Variants in ADGRB3 observed in about 807,000 individuals in gnomAD.
ADGRB3 encodes brain-specific angiogenesis inhibitor 3.
In ADGRB3, 37 loss-of-function variants were observed where a neutral mutation model predicts 193.4. The observed-to-expected ratio is 0.19, with a 90% confidence interval of 0.15 to 0.25. The LOEUF is 0.25. Ranked by LOEUF, ADGRB3 falls within the 10% of genes least tolerant of loss-of-function variation. The pLI is 1.00. For missense variants in ADGRB3, 1,637 were observed against 1,852.9 expected, an observed-to-expected ratio of 0.88 and a Z score of 2.14; for synonymous variants, 690 against 644.2, an observed-to-expected ratio of 1.07 and a Z score of -1.08.
chr6:69,138,611 G>A (rs943757578), intron 17 of ADGRB3, among the ~76,000 whole-genome samples: 2 of 152,112 alleles, frequency 1.3e-5, no homozygotes, highest in African/African-American at 4.8e-5. Flanking sequence ...GTTCTTTGGT[G>A]GTTAAAATGA....
chr6:69,057,080 A>G (rs556860017), intron 15 of ADGRB3, among the ~76,000 whole-genome samples: 4 of 152,108 alleles, frequency 2.6e-5, no homozygotes, highest in African/African-American at 9.6e-5. Flanking sequence ...CATTTTTTTC[A>G]GAAATGTTTT....
chr6:69,121,313 G>A (rs1582476367), intron 17 of ADGRB3, among the ~76,000 whole-genome samples: 2 of 152,124 alleles, frequency 1.3e-5, no homozygotes, highest in Non-Finnish European at 2.9e-5. Flanking sequence ...CAGAGAGCAC[G>A]GGGTTGGGGG....
chr6:69,129,650 C>T (rs1375296924), intron 17 of ADGRB3, among the ~76,000 whole-genome samples: 2 of 152,042 alleles, frequency 1.3e-5, no homozygotes, highest in African/African-American at 4.8e-5. Flanking sequence ...ATTATTGCTT[C>T]CCAGGTTACA....
chr6:69,056,610 T>C (rs1044778548), intron 15 of ADGRB3, among the ~76,000 whole-genome samples: 1 of 152,214 alleles, frequency 6.6e-6, no homozygotes, highest in Non-Finnish European at 1.5e-5. Flanking sequence ...TCTAGTCTTA[T>C]GTTTACATCT....
chr6:68,876,914 T>C (rs936991901), intron 3 of ADGRB3, among the ~76,000 whole-genome samples: 29 of 152,130 alleles, frequency 1.9e-4, no homozygotes, highest in African/African-American at 5.1e-4. Context: ...ATAAATATTT[T>C]GTACACACCC....
At chr6:69,113,330 G>A (rs1002550005) in intron 17 of ADGRB3, among the ~76,000 whole-genome samples, 1 of 150,290 alleles carries the variant, frequency 6.7e-6, no homozygotes, top group African/African-American at 2.4e-5. Flanking sequence ...ATATACATAT[G>A]TATCACACAT....
In ADGRB3 at chr6:69,078,980, T is replaced by C. The variant is rs544117907; in HGVS notation, c.2480+2942T>C. 2.9e-3 allele frequency among the ~76,000 whole-genome samples: 440 copies of C among 152,234 alleles called. 4 individuals carry two copies. Among genetic ancestry groups the C allele is most frequent in the Middle Eastern group, 0.024 (7 of 294 alleles). On this transcript the variant is annotated intron_variant, in intron 17 of 31. Transcript: ENST00000370598. The stretch of plus-strand genomic sequence containing the variant: ...GTAGGTACATTTTCTATCTAAGAAT[T>C]ATTCCCATCTCTATTTGATTTTATC...
At chr6:69,311,874 A>G (rs576462779) in intron 20 of ADGRB3, among the ~76,000 whole-genome samples, 66 of 151,912 alleles carry the variant, frequency 4.3e-4, no homozygotes, top group Non-Finnish European at 8.5e-4. Flanking sequence ...ACATGTTTTA[A>G]TATTTCCCAT....
At chr6:69,210,683 A>T (rs142007895) in intron 17 of ADGRB3, among the ~76,000 whole-genome samples, 1 of 152,270 alleles carries the variant, frequency 6.6e-6, no homozygotes, top group Non-Finnish European at 1.5e-5. Context: ...ACACCCAGCC[A>T]ATGACTTAAT....
chr6:69,105,677 A>G (rs1773186577), intron 17 of ADGRB3, among the ~76,000 whole-genome samples: 2 of 152,166 alleles, frequency 1.3e-5, no homozygotes, highest in African/African-American at 2.4e-5. Context: ...CCCAAAAATC[A>G]TATAATGCAG....
At chr6:69,097,738 C>A (rs1449743426) in intron 17 of ADGRB3, among the ~76,000 whole-genome samples, 8 of 151,730 alleles carry the variant, frequency 5.3e-5, no homozygotes, top group Non-Finnish European at 1.2e-4. Context: ...ATGGCTGCTG[C>A]AGACATTGGA....
intron 3 of ADGRB3, among the ~76,000 whole-genome samples, chr6:68,697,650 A>G (rs1172767731): frequency 6.6e-6 from 1 of 151,936 alleles, no homozygotes; most frequent in Non-Finnish European, 1.5e-5. Flanking sequence ...CTTTTAGTGA[A>G]ACAAACTGTA....
Position 68,936,607 on chromosome 6 carries a change from A to G in ADGRB3, c.957A>G (p.Val319=). The G allele has an allele frequency of 6.2e-7, 1 of 1,614,026 alleles. No homozygotes were observed. The change falls in exon 5 of 32, where the codon GTA becomes GTG. Residue 319 remains valine (V), a synonymous_variant. Coordinates refer to ENST00000370598, the MANE Select transcript of ADGRB3 (RefSeq NM_001704.3). ...QGSQVRTRTC[V]SPYGTHCSGP... ...CGCAGGTGCGAACCAGAACTTGTGTATCACCTTACGGGACACACTGCAGCG... is the reference window on the plus strand; with the variant it reads ...CGCAGGTGCGAACCAGAACTTGTGTGTCACCTTACGGGACACACTGCAGCG...
intron 26 of ADGRB3, among the ~76,000 whole-genome samples, chr6:69,342,201 A>T (rs971809846): frequency 6.6e-6 from 1 of 152,152 alleles, no homozygotes; most frequent in Non-Finnish European, 1.5e-5. Context: ...TGTTTTCTGT[A>T]CTAATGGAAA....
chr6:69,137,883 C>T (rs955289638), intron 17 of ADGRB3, among the ~76,000 whole-genome samples: 7 of 152,178 alleles, frequency 4.6e-5, no homozygotes, highest in Admixed American at 1.3e-4. Context: ...GTTAACAGAA[C>T]AAATAGGTGA....
At chr6:68,937,269 A>G (rs1319048309) in intron 5 of ADGRB3, among the ~76,000 whole-genome samples, 1 of 152,224 alleles carries the variant, frequency 6.6e-6, no homozygotes, top group Non-Finnish European at 1.5e-5. Context: ...TAAATGAAGC[A>G]TAACAATAGC....
chr6:69,076,372 G>A (rs1170739300), intron 17 of ADGRB3, among the ~76,000 whole-genome samples: 1 of 152,010 alleles, frequency 6.6e-6, no homozygotes, highest in African/African-American at 2.4e-5. Flanking sequence ...ATTCAGCTTA[G>A]CATTGCAGAA....
chr6:68,979,967 T>G (rs1768860815), intron 10 of ADGRB3, among the ~76,000 whole-genome samples: 1 of 151,384 alleles, frequency 6.6e-6, no homozygotes, highest in African/African-American at 2.4e-5. Flanking sequence ...TAGACAAATC[T>G]AAAGCAAAGG....
At chr6:68,747,698 T>G (rs139796189) in intron 3 of ADGRB3, among the ~76,000 whole-genome samples, 136 of 152,268 alleles carry the variant, frequency 8.9e-4, no homozygotes, top group African/African-American at 3.2e-3. Flanking sequence ...TTTGAATAGT[T>G]TATAGGAGAT....
Sources: gnomAD v4.1 joint callset for allele counts (sites outside exome capture counted in the v4.1 genomes callset) on GRCh38, gnomAD v4.1.1 for gene constraint, MANE v1.5 for transcripts, NCBI Gene and HGNC (gene_info 2026-07-23, HGNC 2026-07-21) for gene names.